CMSS1: variants seen among roughly 807,000 people sequenced by gnomAD.
CMSS1 encodes protein CMSS1.
Under a neutral mutation model 43.5 loss-of-function variants are expected in CMSS1, and 33 were observed. That is an observed-to-expected ratio of 0.76 (90% CI 0.57 to 1.01). CMSS1 has a LOEUF of 1.01. Ranked by LOEUF, CMSS1 falls within the 50% of genes least tolerant of loss-of-function variation. CMSS1 has a pLI of 0.00. For synonymous variants in CMSS1, 115 were observed against 117.2 expected, an observed-to-expected ratio of 0.98 and a Z score of 0.12; for missense variants, 313 against 326.4, an observed-to-expected ratio of 0.96 and a Z score of 0.32.
rs1323075024 is a variant in CMSS1 at position 99,858,532 on chromosome 3, A to G, written c.64+40489A>G. Among the ~76,000 whole-genome samples the G allele has an allele frequency of 3.3e-5, 5 of 152,344 alleles. No homozygotes were observed. The South Asian group carries it at 6.2e-4, about 19-fold the overall frequency. ...TAATAATAAATCCATCATCTGCTAA[A>G]TAACATATTTTTATGAAAAAATACT... is the stretch of plus-strand genomic sequence containing the variant. On this transcript the variant is annotated intron_variant, in intron 1 of 9. Coordinates refer to ENST00000421999, the MANE Select transcript of CMSS1 (RefSeq NM_032359.4).
At chr3:99,871,770 A>G (rs1944799265) in intron 1 of CMSS1, among the ~76,000 whole-genome samples, 1 of 152,218 alleles carries the variant, frequency 6.6e-6, no homozygotes, top group African/African-American at 2.4e-5. Flanking sequence ...TTGACCACAG[A>G]GTACACAGTC....
chr3:100,091,292 A>G (rs949825211), intron 1 of CMSS1, among the ~76,000 whole-genome samples: 1 of 145,338 alleles, frequency 6.9e-6, no homozygotes, highest in African/African-American at 2.5e-5. Context: ...CTCAAAAAAA[A>G]AAAAAAAAAA....
chr3:100,008,402 A>G (rs1479447296), intron 1 of CMSS1, among the ~76,000 whole-genome samples: 2 of 152,176 alleles, frequency 1.3e-5, no homozygotes, highest in African/African-American at 4.8e-5. Context: ...AGATTTTCAT[A>G]TGAGTTGCAG....
intron 1 of CMSS1, among the ~76,000 whole-genome samples, chr3:99,904,463 A>G (rs999636963): frequency 4.6e-5 from 7 of 152,348 alleles, no homozygotes; most frequent in African/African-American, 1.7e-4. Flanking sequence ...GAGCTTTTTA[A>G]AAATATATTT....
chr3:100,141,673 T>C, intron 1 of CMSS1: 1 of 414,048 alleles, frequency 2.4e-6, no homozygotes. Flanking sequence ...AACCTTATAT[T>C]TTCATTTGCT....
intron 1 of CMSS1, among the ~76,000 whole-genome samples, chr3:100,001,250 A>G (rs1210088498): frequency 6.6e-6 from 1 of 152,134 alleles, no homozygotes; most frequent in Non-Finnish European, 1.5e-5. Context: ...CAGACCCTTA[A>G]TCTGTTTTTG....
At chr3:99,913,333 G>T (rs2107641683) in intron 1 of CMSS1, among the ~76,000 whole-genome samples, 1 of 152,292 alleles carries the variant, frequency 6.6e-6, no homozygotes, top group South Asian at 2.1e-4. Flanking sequence ...GCATATGAGG[G>T]TTCCAGTTTC....
intron 1 of CMSS1, among the ~76,000 whole-genome samples, chr3:99,861,652 C>A (rs1944261286): frequency 6.6e-6 from 1 of 152,250 alleles, no homozygotes; most frequent in East Asian, 1.9e-4. Context: ...ACTGCCTGTT[C>A]CCTATTACCC....
chr3:100,178,153 C>T (rs1363416617), intron 9 of CMSS1, 152 bp from the exon 10 acceptor site: 1 of 495,588 alleles, frequency 2.0e-6, no homozygotes, highest in East Asian at 3.1e-5. Flanking sequence ...AAAATTTCAA[C>T]TCTGAATCAA....
intron 1 of CMSS1, among the ~76,000 whole-genome samples, chr3:100,028,803 T>C (rs2064972421): frequency 6.6e-6 from 1 of 152,162 alleles, no homozygotes; most frequent in South Asian, 2.1e-4. Context: ...TCTGATAAGC[T>C]ATCACACCAA....
At chr3:100,017,399 A>G (rs1710375702) in intron 1 of CMSS1, among the ~76,000 whole-genome samples, 1 of 152,198 alleles carries the variant, frequency 6.6e-6, no homozygotes, top group Non-Finnish European at 1.5e-5. Flanking sequence ...CTCTCCCATT[A>G]TTAGTAACTT....
intron 1 of CMSS1, among the ~76,000 whole-genome samples, chr3:100,066,936 TTC>T (rs374309400): frequency 6.6e-6 from 1 of 152,300 alleles, no homozygotes; most frequent in East Asian, 1.9e-4. Flanking sequence ...TCACAGGATA[TTC>T]TGTTTCAAAA....
At chr3:99,924,405 C>T (rs780457529) in intron 1 of CMSS1, 2 of 1,613,792 alleles carry the variant, frequency 1.2e-6, no homozygotes, top group South Asian at 1.1e-5. Flanking sequence ...ACAACTTTGT[C>T]CAACTACGAA....
chr3:100,028,232 C>T (rs1395278855), intron 1 of CMSS1, among the ~76,000 whole-genome samples: 1 of 152,186 alleles, frequency 6.6e-6, no homozygotes, highest in Non-Finnish European at 1.5e-5. Flanking sequence ...GATGAGGAAA[C>T]TCAGACACAC....
chr3:100,100,100 G>A (rs2066278809), intron 1 of CMSS1, among the ~76,000 whole-genome samples: 1 of 152,162 alleles, frequency 6.6e-6, no homozygotes, highest in Non-Finnish European at 1.5e-5. Context: ...GAGAGCAGAG[G>A]TATTTTGATA....
chr3:100,142,360 A>G (rs2066812443), intron 1 of CMSS1, among the ~76,000 whole-genome samples: 1 of 152,228 alleles, frequency 6.6e-6, no homozygotes, highest in Non-Finnish European at 1.5e-5. Flanking sequence ...TTATTCCATA[A>G]ACAATACAGT....
rs5851193 is a variant in CMSS1, at chr3:100,037,965, A to C, written c.65-109008A>C. Among the ~76,000 whole-genome samples, 432 of 100,488 alleles carry C rather than the reference A, an allele frequency of 4.3e-3. 4 individuals carry two copies. Among genetic ancestry groups the C allele is most frequent in the African/African-American group, 0.016 (411 of 25,366 alleles). The allele number at this position is 100,488 out of a possible 152,430, so 65.9% of individuals were successfully genotyped here. ...TTTTTTTTTTTTTTTTTGGGGGGGGAGGGAACAGAGTCTCAAATCTCGCTC... is the reference window on the plus strand; with the variant it reads ...TTTTTTTTTTTTTTTTTGGGGGGGGCGGGAACAGAGTCTCAAATCTCGCTC... On this transcript the variant is annotated intron_variant, in intron 1 of 9. Coordinates refer to ENST00000421999, the MANE Select transcript of CMSS1 (RefSeq NM_032359.4).
At chr3:99,936,381 T>C (rs1008839180) in intron 1 of CMSS1, among the ~76,000 whole-genome samples, 45 of 133,250 alleles carry the variant, frequency 3.4e-4, no homozygotes, top group African/African-American at 1.3e-3. Context: ...TTTTTTTTTT[T>C]TTTTTTTTTT....
At chr3:100,009,660 G>A (rs1710087501) in intron 1 of CMSS1, among the ~76,000 whole-genome samples, 1 of 152,164 alleles carries the variant, frequency 6.6e-6, no homozygotes. Flanking sequence ...AGTGTTAAGG[G>A]GAAAGAAAGT....
Sources: allele counts gnomAD v4.1 joint callset (sites outside exome capture counted in the v4.1 genomes callset), GRCh38; gene constraint gnomAD v4.1.1; transcripts MANE v1.5; gene names NCBI Gene and HGNC (gene_info 2026-07-23, HGNC 2026-07-21).